PDZD4: variants seen among roughly 807,000 people sequenced by gnomAD.
PDZD4 encodes the protein PDZ domain containing 4.
A neutral mutation model predicts 38.5 loss-of-function variants in PDZD4; 9 were observed. The ratio of observed to expected loss-of-function variants is 0.23; its 90% confidence interval spans 0.14 to 0.41. PDZD4 has a LOEUF of 0.41. PDZD4 is among the 10% of genes least tolerant of loss of function. The pLI is 1.00. For missense variants in PDZD4, 612 were observed against 722.0 expected, an observed-to-expected ratio of 0.85 and a Z score of 1.75; for synonymous variants, 349 against 315.7, an observed-to-expected ratio of 1.11 and a Z score of -1.12.
intron 1 of PDZD4, among the ~76,000 whole-genome samples, chrX:153,828,513 G>A (rs1213356472): frequency 1.8e-5 from 2 of 112,318 alleles, no homozygotes; most frequent in Non-Finnish European, 3.8e-5. Flanking sequence ...AGCTTAGGGC[G>A]CAGAGCAGGG....
chrX:153,805,071 C>G lies in PDZD4; in HGVS notation c.780+26G>C, dbSNP rs781941044. 5.0e-6 allele frequency: 6 copies of G among 1,191,726 alleles called. No homozygotes were observed. The African/African-American group carries it at 1.1e-4, about 21-fold the overall frequency. On this transcript the variant is annotated intron_variant, in intron 7 of 7. Coordinates refer to ENST00000393758, the MANE Select transcript of PDZD4 (RefSeq NM_001303512.2). ...CCCAGTTCTCTCCTCCTCGCCCTCC[C>G]CACCAGCGCCCTTTTCCTTCCTCAC...
chrX:153,830,277 C>T lies in PDZD4; in HGVS notation c.22G>A (p.Val8Ile). The T allele has an allele frequency of 8.3e-7, 1 of 1,203,777 alleles. No homozygotes were observed. The highest frequency in any genetic ancestry group is 1.8e-5 in the African/African-American group (1 of 56,804). Residue 8 changes from valine to isoleucine, a missense_variant, in exon 1 of 8, where the codon GTC becomes ATC. By Grantham distance (29) the Val-to-Ile change is conservative (BLOSUM62 3). Coordinates refer to ENST00000393758, the MANE Select transcript of PDZD4 (RefSeq NM_001303512.2). Reference protein sequence around the residue: MGCNMCVVQKPEEQYKVM... With the variant: MGCNMCVIQKPEEQYKVM... The stretch of plus-strand genomic sequence containing the variant: ...TTGTACTGCTCCTCCGGTTTCTGGA[C>T]CACGCACATATTACATCCCATGTTG...
chrX:153,826,322 T>C (rs539338487), intron 1 of PDZD4, among the ~76,000 whole-genome samples: 2 of 111,225 alleles, frequency 1.8e-5, no homozygotes, highest in South Asian at 3.8e-4. Flanking sequence ...ATGATCCTAA[T>C]ATGTAGATAA....
intron 3 of PDZD4, 130 bp from the exon 4 acceptor site, chrX:153,806,970 G>A: frequency 1.8e-6 from 1 of 564,902 alleles, no homozygotes; most frequent in Non-Finnish European, 2.9e-6. Flanking sequence ...TTCCTCTGGA[G>A]CCCCCTGAGC....
At position 153,804,488 on chromosome X, in the gene PDZD4, T is replaced by C; in HGVS notation, c.1193A>G (p.Asn398Ser). 1 of 1,210,253 alleles carries C rather than the reference T, an allele frequency of 8.3e-7. No individual in the cohort carries two copies. Among genetic ancestry groups the C allele is most frequent in the Non-Finnish European group, 1.1e-6 (1 of 895,514 alleles). ...GGCCATCTCGTGGCCCAGGCTCTCGTTGCGGTTGACGTCCAGGGCGCTGTT... is the reference window on the plus strand; with the variant it reads ...GGCCATCTCGTGGCCCAGGCTCTCGCTGCGGTTGACGTCCAGGGCGCTGTT... ...GGNSALDVNR[N>S]ESLGHEMAML... The change falls in exon 8 of 8, where the codon AAC (asparagine) becomes AGC (serine). Residue 398 changes from asparagine (N) to serine (S), a missense_variant. Physicochemically the swap from Asn to Ser is conservative, Grantham distance 46. This residue lies in a region of PDZD4 where 300 missense variants were observed against 284.6 expected (regional missense o/e 1.05). Coordinates refer to ENST00000393758, the MANE Select transcript of PDZD4 (RefSeq NM_001303512.2).
intron 1 of PDZD4, among the ~76,000 whole-genome samples, chrX:153,823,131 T>C (rs782746029): frequency 9.1e-6 from 1 of 109,953 alleles, no homozygotes; most frequent in Non-Finnish European, 1.9e-5. Flanking sequence ...TGATCTTGGC[T>C]CATGCAACCT....
intron 1 of PDZD4, among the ~76,000 whole-genome samples, chrX:153,812,551 G>T (rs1266393982): frequency 1.8e-5 from 2 of 110,936 alleles, no homozygotes; most frequent in Non-Finnish European, 3.8e-5. Flanking sequence ...CAGAGTGATC[G>T]CCTGTGACAG....
intron 3 of PDZD4, among the ~76,000 whole-genome samples, 192 bp from the exon 4 acceptor site, chrX:153,807,032 A>G (rs2064257925): frequency 8.9e-6 from 1 of 111,994 alleles, no homozygotes; most frequent in African/African-American, 3.2e-5. Flanking sequence ...CACGTGGCGC[A>G]CGTACTCAGT....
chrX:153,810,749 G>C (rs2064302014), intron 1 of PDZD4, among the ~76,000 whole-genome samples: 1 of 112,206 alleles, frequency 8.9e-6, no homozygotes. Flanking sequence ...GAGTCTTTTC[G>C]GGAAGACAGC....
rs1402684689 is a variant in PDZD4, at chrX:153,802,313, G to GT, written c.*1039dup. The GT allele has an allele frequency of 1.8e-5, 2 of 111,956 alleles. No individual in the cohort carries two copies. The highest frequency in any genetic ancestry group is 6.5e-5 in the African/African-American group (2 of 30,819). The allele number at this position is 111,956 out of a possible 1,213,427, so 9.2% of individuals were successfully genotyped here. A position where few individuals can be genotyped will look rare whatever the true frequency, so the allele number is the denominator to read the frequency against. The stretch of plus-strand genomic sequence containing the variant: ...GTTCACACGTGCAAATCCTGAGGAG[G>GT]TTGGGGGCCTCTCCTTCCCAGTCAG... On this transcript the variant is annotated 3_prime_UTR_variant, in exon 8 of 8. Transcript: ENST00000393758.
At position 153,804,007 on chromosome X, in the gene PDZD4, C is replaced by G; in HGVS notation, c.1674G>C (p.Thr558=). The change falls in exon 8 of 8, where the codon ACG becomes ACC. Residue 558 remains threonine (T), a synonymous_variant. Coordinates refer to ENST00000393758, the MANE Select transcript of PDZD4 (RefSeq NM_001303512.2). Reference sequence around the variant, plus strand: ...GGCCCACACGCTCCAGGGTCAACCCCGTCTTGGGGTTGCGGCGGCCGCGCT... The same window carrying G: ...GGCCCACACGCTCCAGGGTCAACCCGGTCTTGGGGTTGCGGCGGCCGCGCT... ...AEERGRRNPK[T]GLTLERVGPE... is the part of the protein sequence containing the mutation. 2 of 1,160,306 alleles carry G rather than the reference C, an allele frequency of 1.7e-6. No homozygotes were observed. The highest frequency in any genetic ancestry group is 2.3e-6 in the Non-Finnish European group (2 of 870,994).
At chrX:153,805,754 C>A (rs1272889551) in intron 5 of PDZD4, 148 bp from the exon 6 acceptor site, 1 of 501,119 alleles carries the variant, frequency 2.0e-6, no homozygotes, top group Non-Finnish European at 3.5e-6. Context: ...TGGAAGGTAC[C>A]AGGGAGAGGG....
At position 153,806,812 on chromosome X, in the gene PDZD4, C is replaced by T. The variant is rs201192058; in HGVS notation, c.434G>A (p.Arg145Gln). 1.6e-5 allele frequency: 19 copies of T among 1,209,607 alleles called. No individual in the cohort carries two copies. Among genetic ancestry groups the T allele is most frequent in the Admixed American group, 6.6e-5 (3 of 45,785 alleles). The change falls in exon 4 of 8, where the codon CGG becomes CAG. Residue 145 changes from arginine to glutamine, a missense_variant. Physicochemically the swap from Arg to Gln is conservative, Grantham distance 43. This residue lies in a region of PDZD4 where 225 missense variants were observed against 311.0 expected (regional missense o/e 0.72). Transcript: ENST00000393758. ...EEVELYKSSHRDKLGLMVCYR... is the reference protein window; with the variant it reads ...EEVELYKSSHQDKLGLMVCYR... ...GCAAACCATCAGGCCCAGCTTGTCC[C>T]GGTGGCTGCTTTTATACAGCTCCAC... is the stretch of plus-strand genomic sequence containing the variant.
chrX:153,826,715 C>T (rs1557082597), intron 1 of PDZD4, among the ~76,000 whole-genome samples: 2 of 111,753 alleles, frequency 1.8e-5, no homozygotes, highest in Non-Finnish European at 3.8e-5. Flanking sequence ...CTCAGCCAAT[C>T]AATTGTATTT....
chrX:153,810,241 A>AT (rs1170021913), intron 1 of PDZD4, among the ~76,000 whole-genome samples: 35 of 112,437 alleles, frequency 3.1e-4, no homozygotes, highest in Non-Finnish European at 4.7e-4. Flanking sequence ...ACACACTAGC[A>AT]TTATGCCCAA....
chrX:153,830,105 G>A, intron 1 of PDZD4, 134 bp downstream of exon 1: 1 of 607,959 alleles, frequency 1.6e-6, no homozygotes, highest in Non-Finnish European at 2.3e-6. Context: ...CCCAGGATGG[G>A]AGGGTGCGGA....
intron 2 of PDZD4, 121 bp downstream of exon 2, chrX:153,808,221 C>A: frequency 2.8e-6 from 3 of 1,071,915 alleles, no homozygotes; most frequent in Non-Finnish European, 3.6e-6. Flanking sequence ...TTGGGTACCA[C>A]GGTCAGTTCT....
In PDZD4 at chrX:153,808,589, C is replaced by G. The variant is rs782117561; in HGVS notation, c.67G>C (p.Gly23Arg). 14 of 1,161,657 alleles carry G rather than the reference C, an allele frequency of 1.2e-5. No individual in the cohort carries two copies. The highest frequency in any genetic ancestry group is 1.4e-5 in the Non-Finnish European group (12 of 870,188). ...EQYKVMLQVN[G>R]KELSKLSQEQ... is the part of the protein sequence containing the mutation. ...TGAGACAGCTTGGAGAGCTCCTTCC[C>G]GTTCACCTGCGGCAGAGACACGCCT... The change falls in exon 2 of 8, where the codon GGG becomes CGG. Residue 23 changes from glycine (G) to arginine (R), a missense_variant. Transcript: ENST00000393758.
chrX:153,808,663 A>G, intron 1 of PDZD4, 68 bp from the exon 2 acceptor site: 1 of 1,073,201 alleles, frequency 9.3e-7, no homozygotes, highest in South Asian at 2.4e-5. Flanking sequence ...GTCAAGGCAG[A>G]GGCCCTAGCT....
Sources: gnomAD v4.1 joint callset for allele counts (sites outside exome capture counted in the v4.1 genomes callset) on GRCh38, gnomAD v4.1.1 for gene constraint, gnomAD v4.1.1 regional missense constraint, MANE v1.5 for transcripts, NCBI Gene and HGNC (gene_info 2026-07-23, HGNC 2026-07-21) for gene names.